BRINP3: variants seen among roughly 807,000 people sequenced by gnomAD.
The protein encoded by BRINP3 is BMP/retinoic acid inducible neural specific 3.
Under a neutral mutation model 71.0 loss-of-function variants are expected in BRINP3, and 19 were observed. That is an observed-to-expected ratio of 0.27 (90% CI 0.19 to 0.39). BRINP3 has a LOEUF of 0.39. Among genes scored for constraint, BRINP3 ranks in the 10% least tolerant of loss-of-function variants. The probability of loss-of-function intolerance (pLI) is 1.00; values close to 1 mark genes in which losing one functional copy is unlikely to be tolerated. For synonymous variants in BRINP3, 380 were observed against 337.7 expected, an observed-to-expected ratio of 1.13 and a Z score of -1.37; for missense variants, 959 against 940.8, an observed-to-expected ratio of 1.02 and a Z score of -0.25.
chr1:190,333,199 T>A (rs1265783174), intron 2 of BRINP3, among the ~76,000 whole-genome samples: 1 of 151,934 alleles, frequency 6.6e-6, no homozygotes, highest in African/African-American at 2.4e-5. Flanking sequence ...AATTTATAGA[T>A]GAGAAAATCA....
At chr1:190,133,105 C>T (rs1654674802) in intron 7 of BRINP3, among the ~76,000 whole-genome samples, 1 of 152,018 alleles carries the variant, frequency 6.6e-6, no homozygotes, top group Non-Finnish European at 1.5e-5. Context: ...AAGCTACTCC[C>T]CAAATCCTGA....
chr1:190,293,200 T>C (rs572560316), intron 2 of BRINP3, among the ~76,000 whole-genome samples: 3 of 152,236 alleles, frequency 2.0e-5, no homozygotes, highest in African/African-American at 7.2e-5. Flanking sequence ...ATATTTCATA[T>C]GTATTGTTAT....
At chr1:190,166,826 C>T (rs777682455) in intron 6 of BRINP3, among the ~76,000 whole-genome samples, 2 of 152,016 alleles carry the variant, frequency 1.3e-5, no homozygotes, top group Non-Finnish European at 2.9e-5. Context: ...AGGGTTCAAG[C>T]GACTCTCGTC....
intron 2 of BRINP3, among the ~76,000 whole-genome samples, chr1:190,363,488 G>A (rs1052935654): frequency 2.6e-5 from 4 of 152,092 alleles, no homozygotes; most frequent in Admixed American, 6.6e-5. Flanking sequence ...AGATATGAAC[G>A]AGAAAGATTG....
chr1:190,367,099 G>C (rs1029034762), intron 2 of BRINP3, among the ~76,000 whole-genome samples: 2 of 152,148 alleles, frequency 1.3e-5, no homozygotes, highest in Non-Finnish European at 2.9e-5. Flanking sequence ...TCTGTGCGGG[G>C]GCTCCAACCT....
intron 2 of BRINP3, among the ~76,000 whole-genome samples, chr1:190,445,139 G>A (rs1278412661): frequency 6.6e-6 from 1 of 151,224 alleles, no homozygotes; most frequent in African/African-American, 2.4e-5. Context: ...ATTTACTTTG[G>A]GGAAATTAAA....
At chr1:190,241,986 G>C (rs1419862318) in intron 4 of BRINP3, among the ~76,000 whole-genome samples, 1 of 151,286 alleles carries the variant, frequency 6.6e-6, no homozygotes, top group East Asian at 1.9e-4. Flanking sequence ...TTTTTCCTCT[G>C]ATAGTCATTA....
At chr1:190,294,489 TG>T (rs909332525) in intron 2 of BRINP3, among the ~76,000 whole-genome samples, 2 of 152,022 alleles carry the variant, frequency 1.3e-5, no homozygotes, top group African/African-American at 4.8e-5. Context: ...TAGGCTCAAG[TG>T]ATCCTCCTGC....
chr1:190,445,545 TACAC>T (rs1377087319), intron 2 of BRINP3, among the ~76,000 whole-genome samples: 1 of 150,264 alleles, frequency 6.7e-6, no homozygotes, highest in Admixed American at 6.7e-5. Context: ...TACACACGCA[TACAC>T]ACACGCACGT....
intron 7 of BRINP3, among the ~76,000 whole-genome samples, chr1:190,144,082 G>T (rs1013419145): frequency 2.0e-5 from 3 of 152,096 alleles, no homozygotes; most frequent in African/African-American, 7.2e-5. Context: ...TTTAAGAGAG[G>T]CTGCAGAAAC....
chr1:190,222,890 A>G (rs576981349), intron 6 of BRINP3, among the ~76,000 whole-genome samples: 1 of 152,068 alleles, frequency 6.6e-6, no homozygotes, highest in African/African-American at 2.4e-5. Context: ...ACTATTGTGA[A>G]CAACTGCATG....
chr1:190,099,888 T>A (rs1218575477), intron 7 of BRINP3, among the ~76,000 whole-genome samples: 2 of 152,212 alleles, frequency 1.3e-5, no homozygotes, highest in Non-Finnish European at 2.9e-5. Context: ...AGGTTAATCA[T>A]GATTCCTTTT....
chr1:190,219,516 T>A (rs561399725), intron 6 of BRINP3, among the ~76,000 whole-genome samples: 2 of 152,044 alleles, frequency 1.3e-5, no homozygotes, highest in East Asian at 1.9e-4. Context: ...GAGAAAAGAA[T>A]CAGTGAGCTA....
chr1:190,299,332 A>C lies in BRINP3; in HGVS notation c.237-17582T>G, dbSNP rs796339867. On this transcript the variant is annotated intron_variant, in intron 2 of 7. Coordinates refer to ENST00000367462, the MANE Select transcript of BRINP3 (RefSeq NM_199051.3). ...ATGATTAACATTATAAAACTTAAGT[A>C]CAATGCTTTCTTTTGTTTCTGTTTT... Among the ~76,000 whole-genome samples the C allele has an allele frequency of 2.5e-4, 38 of 152,072 alleles. 1 individual carries two copies. Among genetic ancestry groups the C allele is most frequent in the African/African-American group, 8.9e-4 (37 of 41,536 alleles).
At chr1:190,177,798 C>T (rs890290820) in intron 6 of BRINP3, among the ~76,000 whole-genome samples, 10 of 152,150 alleles carry the variant, frequency 6.6e-5, no homozygotes, top group East Asian at 1.9e-4. Flanking sequence ...TTATTTCACA[C>T]GCACTGCAGT....
rs554516624 is a variant in BRINP3, at chr1:190,315,766, G to GT, written c.237-34017dup. Among the ~76,000 whole-genome samples, 317 of 152,208 alleles carry GT rather than the reference G, an allele frequency of 2.1e-3. 1 individual carries two copies. Among genetic ancestry groups the GT allele is most frequent in the African/African-American group, 7.4e-3 (306 of 41,546 alleles). On this transcript the variant is annotated intron_variant, in intron 2 of 7. Coordinates refer to ENST00000367462, the MANE Select transcript of BRINP3 (RefSeq NM_199051.3). The stretch of plus-strand genomic sequence containing the variant: ...TTGGTTTGTCTCTCATGCAGTGGAT[G>GT]TAAGTATATTCCATATTTTAAAAGA...
At chr1:190,459,174 T>C (rs756875093) in intron 1 of BRINP3, among the ~76,000 whole-genome samples, 6 of 150,228 alleles carry the variant, frequency 4.0e-5, no homozygotes, top group Non-Finnish European at 7.4e-5. Context: ...CACATCATGA[T>C]ACAAGTTTAT....
At chr1:190,351,697 C>T (rs981912038) in intron 2 of BRINP3, among the ~76,000 whole-genome samples, 3 of 152,004 alleles carry the variant, frequency 2.0e-5, no homozygotes, top group African/African-American at 7.2e-5. Context: ...TCTATGTAGG[C>T]TATCATAGAT....
chr1:190,161,707 A>C (rs927126840), intron 6 of BRINP3, among the ~76,000 whole-genome samples: 11 of 152,138 alleles, frequency 7.2e-5, no homozygotes, highest in Non-Finnish European at 1.0e-4. Context: ...AGATAGTTGA[A>C]ATAATTTTCT....
Sources: allele counts gnomAD v4.1 joint callset (sites outside exome capture counted in the v4.1 genomes callset), GRCh38; gene constraint gnomAD v4.1.1; transcripts MANE v1.5; gene names NCBI Gene and HGNC (gene_info 2026-07-23, HGNC 2026-07-21).